Variants in CSMD1 observed in about 807,000 individuals in gnomAD.
CSMD1 encodes the protein CUB and sushi domain-containing protein 1.
CSMD1 carries 213 observed loss-of-function variants against 417.5 expected under a neutral mutation model. That is an observed-to-expected ratio of 0.51 (90% CI 0.46 to 0.57). The LOEUF is 0.57. Among genes scored for constraint, CSMD1 ranks in the 20% least tolerant of loss-of-function variants. CSMD1 has a pLI of 0.00. For synonymous variants in CSMD1, 2,862 were observed against 1,736.8 expected (o/e 1.65, Z -16.11); for missense variants, 6,923 against 4,529.7 (o/e 1.53, Z -15.17).
chr8:3,179,156 A>C (rs576387976), intron 37 of CSMD1, among the ~76,000 whole-genome samples: 1 of 151,490 alleles, frequency 6.6e-6, no homozygotes, highest in Non-Finnish European at 1.5e-5. Context: ...CGTGTTAGCC[A>C]GGACTGTCTC....
At chr8:4,396,946 A>G (rs1804270626) in intron 3 of CSMD1, among the ~76,000 whole-genome samples, 2 of 152,164 alleles carry the variant, frequency 1.3e-5, no homozygotes, top group Admixed American at 6.5e-5. Flanking sequence ...TGCCTGGGTG[A>G]TGAGTGCACC....
intron 4 of CSMD1, among the ~76,000 whole-genome samples, chr8:4,014,761 T>C (rs1475926309): frequency 6.6e-6 from 1 of 152,180 alleles, no homozygotes; most frequent in Non-Finnish European, 1.5e-5. Context: ...AAGAAGGGCA[T>C]TTACCTGGGC....
intron 57 of CSMD1, among the ~76,000 whole-genome samples, chr8:2,969,524 T>A (rs1234569849): frequency 6.6e-6 from 1 of 152,228 alleles, no homozygotes; most frequent in Non-Finnish European, 1.5e-5. Context: ...CGTTTAGAAT[T>A]ATAATTTCCT....
intron 3 of CSMD1, among the ~76,000 whole-genome samples, chr8:4,372,139 T>C (rs1802434966): frequency 6.6e-6 from 1 of 152,240 alleles, no homozygotes; most frequent in South Asian, 2.1e-4. Context: ...CATTTTTCTA[T>C]GTGCATTTCT....
chr8:3,657,237 T>A (rs552843310), intron 7 of CSMD1, among the ~76,000 whole-genome samples: 1 of 152,260 alleles, frequency 6.6e-6, no homozygotes, highest in East Asian at 1.9e-4. Flanking sequence ...ATAATCAACA[T>A]ACAAAAGCAG....
chr8:4,187,910 T>C (rs1798780279), intron 3 of CSMD1, among the ~76,000 whole-genome samples: 1 of 152,094 alleles, frequency 6.6e-6, no homozygotes, highest in Non-Finnish European at 1.5e-5. Context: ...ATCATGCATT[T>C]GTTGTTAATA....
intron 6 of CSMD1, among the ~76,000 whole-genome samples, chr8:3,719,729 T>C (rs1236585261): frequency 1.3e-5 from 2 of 152,300 alleles, no homozygotes; most frequent in Non-Finnish European, 2.9e-5. Context: ...ACATATTATG[T>C]ACAAATATAT....
intron 2 of CSMD1, among the ~76,000 whole-genome samples, chr8:4,607,742 G>A (rs1293603553): frequency 6.6e-6 from 1 of 152,144 alleles, no homozygotes; most frequent in Admixed American, 6.5e-5. Flanking sequence ...AAACGTAGCA[G>A]CCTCAAACCG....
At chr8:3,360,360 A>C (rs1030911721) in intron 20 of CSMD1, among the ~76,000 whole-genome samples, 2 of 152,204 alleles carry the variant, frequency 1.3e-5, no homozygotes, top group African/African-American at 4.8e-5. Context: ...ACTCCTTCTG[A>C]TCTCCGTAGT....
In CSMD1 at chr8:3,203,568, C is replaced by T. The variant is rs1585644343; in HGVS notation, c.4985-1843G>A. ...CGGAATACAAAAAGCAAAATGGTGG[C>T]GGGGACAAATGCAGCAAATAGTCAA... On this transcript the variant is annotated intron_variant, in intron 31 of 69. Coordinates refer to ENST00000635120, the MANE Select transcript of CSMD1 (RefSeq NM_033225.6). 9.2e-5 allele frequency among the ~76,000 whole-genome samples: 14 copies of T among 152,114 alleles called. No homozygotes were observed. The South Asian group carries it at 2.5e-3, about 27-fold the overall frequency.
chr8:4,075,816 T>C (rs532685878), intron 3 of CSMD1, among the ~76,000 whole-genome samples: 21 of 152,258 alleles, frequency 1.4e-4, no homozygotes, highest in Admixed American at 1.0e-3. Context: ...TCCTTCATGG[T>C]TGTCAGAGTG....
intron 3 of CSMD1, among the ~76,000 whole-genome samples, chr8:4,155,245 G>C (rs962196786): frequency 1.3e-5 from 2 of 152,300 alleles, no homozygotes; most frequent in African/African-American, 2.4e-5. Context: ...TGTTGAAAAG[G>C]GGCAGCAGAG....
chr8:4,222,276 C>T (rs114063581), intron 3 of CSMD1, among the ~76,000 whole-genome samples: 1,897 of 152,146 alleles, frequency 0.012, 45 homozygotes, highest in African/African-American at 0.044. Context: ...TTATGATTTT[C>T]CCAGGTATTG....
chr8:3,787,292 A>T (rs983859591), intron 5 of CSMD1, among the ~76,000 whole-genome samples: 1 of 152,178 alleles, frequency 6.6e-6, no homozygotes, highest in South Asian at 2.1e-4. Flanking sequence ...CAATTTTAGA[A>T]AATTGATTTC....
intron 7 of CSMD1, among the ~76,000 whole-genome samples, chr8:3,620,033 C>T (rs1802346175): frequency 6.6e-6 from 1 of 152,182 alleles, no homozygotes; most frequent in South Asian, 2.1e-4. Context: ...ACCTGGGAGG[C>T]AGATGTTGCA....
chr8:4,833,599 T>C (rs1320753470), intron 1 of CSMD1, among the ~76,000 whole-genome samples: 2 of 152,232 alleles, frequency 1.3e-5, no homozygotes, highest in African/African-American at 2.4e-5. Context: ...CACACGATTT[T>C]TGAAAGCAAG....
At chr8:3,183,922 G>A (rs1420025743) in intron 36 of CSMD1, among the ~76,000 whole-genome samples, 6 of 152,116 alleles carry the variant, frequency 3.9e-5, no homozygotes. Flanking sequence ...CTTCCAACTT[G>A]TTTTTTTGAG....
chr8:3,306,646 TAATAACAACAATG>T (rs1804873447), intron 25 of CSMD1, among the ~76,000 whole-genome samples: 2 of 149,484 alleles, frequency 1.3e-5, no homozygotes, highest in Non-Finnish European at 2.9e-5. Flanking sequence ...TACAGAAAAT[TAATAACAACAATG>T]AAACAGAAAG....
At chr8:4,175,296 G>A (rs1396879285) in intron 3 of CSMD1, among the ~76,000 whole-genome samples, 2 of 152,104 alleles carry the variant, frequency 1.3e-5, no homozygotes, top group Non-Finnish European at 2.9e-5. Flanking sequence ...ATATCCTTAG[G>A]ACAGTGAATC....
Sources: allele counts gnomAD v4.1 joint callset (sites outside exome capture counted in the v4.1 genomes callset), GRCh38; gene constraint gnomAD v4.1.1; transcripts MANE v1.5; gene names NCBI Gene and HGNC (gene_info 2026-07-23, HGNC 2026-07-21).